FSTL5: variants seen among roughly 807,000 people sequenced by gnomAD.
FSTL5 encodes the protein follistatin-related protein 5.
Under a neutral mutation model 89.1 loss-of-function variants are expected in FSTL5, and 62 were observed. The observed-to-expected ratio is 0.70, with a 90% CI of 0.57 to 0.86. The LOEUF (loss-of-function observed/expected upper bound fraction) is 0.86. Among genes scored for constraint, FSTL5 ranks in the 40% least tolerant of loss-of-function variants. The pLI is 0.00. For missense variants in FSTL5, 1,057 were observed against 1,001.6 expected (o/e 1.06, Z -0.75); for synonymous variants, 383 against 346.2 (o/e 1.11, Z -1.18).
At chr4:162,008,923 C>T (rs1736685371) in intron 3 of FSTL5, among the ~76,000 whole-genome samples, 1 of 151,746 alleles carries the variant, frequency 6.6e-6, no homozygotes, top group Admixed American at 6.6e-5. Context: ...TACTATTTAG[C>T]TTATATACAG....
At chr4:161,775,145 A>G (rs1375244643) in intron 5 of FSTL5, among the ~76,000 whole-genome samples, 1 of 152,146 alleles carries the variant, frequency 6.6e-6, no homozygotes, top group Non-Finnish European at 1.5e-5. Context: ...AATGAATAGC[A>G]TATTATAAAA....
chr4:161,764,839 G>A (rs890954148), intron 5 of FSTL5, among the ~76,000 whole-genome samples: 1 of 152,116 alleles, frequency 6.6e-6, no homozygotes, highest in Non-Finnish European at 1.5e-5. Context: ...CAAATAATAT[G>A]TTTAATATTT....
chr4:161,686,261 G>A (rs1183528930), intron 6 of FSTL5, among the ~76,000 whole-genome samples: 1 of 129,288 alleles, frequency 7.7e-6, no homozygotes, highest in South Asian at 2.6e-4. Context: ...GGTGATACTG[G>A]CTTCACAGAA....
intron 12 of FSTL5, among the ~76,000 whole-genome samples, chr4:161,486,672 ACT>A (rs1333518387): frequency 6.6e-6 from 1 of 151,820 alleles, no homozygotes; most frequent in African/African-American, 2.4e-5. Context: ...TAAATTAACC[ACT>A]CTCTCTGCTC....
At chr4:161,408,258 G>A (rs1410814206) in intron 15 of FSTL5, among the ~76,000 whole-genome samples, 2 of 152,124 alleles carry the variant, frequency 1.3e-5, no homozygotes, top group Non-Finnish European at 2.9e-5. Flanking sequence ...CCTATCTACT[G>A]CCCGTTGCTC....
intron 3 of FSTL5, among the ~76,000 whole-genome samples, chr4:162,028,216 TACAA>T (rs1260668538): frequency 3.3e-5 from 5 of 152,276 alleles, no homozygotes; most frequent in South Asian, 2.1e-4. Flanking sequence ...TCATAAATCT[TACAA>T]ACAATGATTA....
At chr4:161,593,401 C>G (rs10003076) in intron 7 of FSTL5, among the ~76,000 whole-genome samples, 1 of 151,696 alleles carries the variant, frequency 6.6e-6, no homozygotes, top group African/African-American at 2.4e-5. Context: ...AAACTGATAC[C>G]CACTACGGAT....
chr4:161,630,485 A>G (rs1415846036), intron 7 of FSTL5, among the ~76,000 whole-genome samples: 3 of 152,214 alleles, frequency 2.0e-5, no homozygotes, highest in East Asian at 1.9e-4. Flanking sequence ...CTTTCTCATC[A>G]TAAGTATAGC....
At chr4:161,524,421 A>C (rs72685720) in intron 10 of FSTL5, among the ~76,000 whole-genome samples, 40,238 of 152,036 alleles carry the variant, frequency 0.26, 6,947 homozygotes, top group Non-Finnish European at 0.4. Flanking sequence ...GCTGTGTCAC[A>C]GCCATGGTCA....
intron 1 of FSTL5, among the ~76,000 whole-genome samples, chr4:162,153,727 T>G (rs1470124447): frequency 1.1e-4 from 6 of 55,352 alleles, no homozygotes; most frequent in Admixed American, 9.0e-4. Context: ...TAATAATATA[T>G]GTATATATGT....
intron 1 of FSTL5, among the ~76,000 whole-genome samples, chr4:162,129,077 C>T (rs1020569592): frequency 1.3e-5 from 2 of 152,176 alleles, no homozygotes; most frequent in African/African-American, 4.8e-5. Flanking sequence ...GGATTACAGG[C>T]GCCCACCACC....
chr4:161,839,391 T>A (rs1731143300), intron 4 of FSTL5, among the ~76,000 whole-genome samples: 1 of 152,030 alleles, frequency 6.6e-6, no homozygotes, highest in Non-Finnish European at 1.5e-5. Flanking sequence ...TATAAACCAC[T>A]TTTTTTGCCA....
intron 4 of FSTL5, among the ~76,000 whole-genome samples, chr4:161,843,645 C>G (rs574702322): frequency 6.6e-6 from 1 of 152,228 alleles, no homozygotes; most frequent in South Asian, 2.1e-4. Context: ...TGCCACACAT[C>G]TACAACTATC....
At chr4:161,569,001 T>C (rs941157221) in intron 8 of FSTL5, among the ~76,000 whole-genome samples, 1 of 152,328 alleles carries the variant, frequency 6.6e-6, no homozygotes, top group Non-Finnish European at 1.5e-5. Flanking sequence ...CTGTTATTTA[T>C]GTATTTTCTT....
At position 161,470,832 on chromosome 4, in the gene FSTL5, C is replaced by T. The variant is rs139867192; in HGVS notation, c.1608+10188G>A. On this transcript the variant is annotated intron_variant, in intron 13 of 15. Transcript: ENST00000306100. ...TCTTTGTTAATCTCTACGTATTTTA[C>T]TCTTTATTATGCTATGACAAGTTGA... Among the ~76,000 whole-genome samples, 663 of 152,170 alleles carry T rather than the reference C, an allele frequency of 4.4e-3. 1 individual carries two copies. The highest frequency in any genetic ancestry group is 4.6e-3 in the Non-Finnish European group (314 of 67,984).
At chr4:161,879,550 C>G (rs1222514500) in intron 4 of FSTL5, among the ~76,000 whole-genome samples, 1 of 152,232 alleles carries the variant, frequency 6.6e-6, no homozygotes. Flanking sequence ...TCTGTCAGTT[C>G]TGGAACATCA....
chr4:161,923,273 C>A (rs1237280512), intron 3 of FSTL5, among the ~76,000 whole-genome samples: 1 of 148,194 alleles, frequency 6.7e-6, no homozygotes, highest in East Asian at 2.0e-4. Context: ...TGCAAATAAA[C>A]TCTGTTAAAT....
At chr4:161,962,139 A>G (rs543918332) in intron 3 of FSTL5, among the ~76,000 whole-genome samples, 1 of 152,130 alleles carries the variant, frequency 6.6e-6, no homozygotes, top group African/African-American at 2.4e-5. Context: ...ACAATCTAAT[A>G]AAGTATTAAG....
At chr4:162,030,900 T>C (rs2111189520) in intron 3 of FSTL5, among the ~76,000 whole-genome samples, 1 of 152,320 alleles carries the variant, frequency 6.6e-6, no homozygotes, top group South Asian at 2.1e-4. Context: ...AGGGGTGAAC[T>C]AATTGTGTTT....
Sources: allele counts gnomAD v4.1 joint callset (sites outside exome capture counted in the v4.1 genomes callset), GRCh38; gene constraint gnomAD v4.1.1; transcripts MANE v1.5; gene names NCBI Gene and HGNC (gene_info 2026-07-23, HGNC 2026-07-21).